FARS2: variants seen among roughly 807,000 people sequenced by gnomAD.
FARS2 encodes the protein phenylalanine--tRNA ligase, mitochondrial.
Under a neutral mutation model 46.4 loss-of-function variants are expected in FARS2, and 40 were observed. The observed-to-expected ratio is 0.86, with a 90% confidence interval of 0.67 to 1.12. The LOEUF is 1.12. Ranked by LOEUF, FARS2 falls within the 50% of genes most tolerant of loss-of-function variation. The pLI is 0.00. For synonymous variants in FARS2, 234 were observed against 214.9 expected, an observed-to-expected ratio of 1.09 and a Z score of -0.78; for missense variants, 513 against 567.9, an observed-to-expected ratio of 0.90 and a Z score of 0.98.
chr6:5,402,780 A>C (rs192982517), intron 2 of FARS2, among the ~76,000 whole-genome samples: 18 of 152,158 alleles, frequency 1.2e-4, no homozygotes, highest in Admixed American at 8.5e-4. Flanking sequence ...TCTCACTTCA[A>C]ATTGGGCATG....
At position 5,349,997 on chromosome 6, in the gene FARS2, C is replaced by G. The variant is rs565574382; in HGVS notation, c.-21-18553C>G. On this transcript the variant is annotated intron_variant, in intron 1 of 6. Transcript: ENST00000274680. The stretch of plus-strand genomic sequence containing the variant: ...TACTGTAGATGTTGACTTTGATCAC[C>G]TGGCAGTGTAGTGTTTGTCAGATTT... 9.2e-5 allele frequency among the ~76,000 whole-genome samples: 14 copies of G among 152,086 alleles called. No homozygotes were observed. The South Asian group carries it at 2.3e-3, about 25-fold the overall frequency.
intron 1 of FARS2, among the ~76,000 whole-genome samples, chr6:5,297,524 T>C (rs1370977676): frequency 6.6e-6 from 1 of 151,984 alleles, no homozygotes; most frequent in Non-Finnish European, 1.5e-5. Flanking sequence ...GGTGGGCACT[T>C]GTAATCCCAG....
chr6:5,438,965 AT>A (rs1253469949), intron 4 of FARS2, among the ~76,000 whole-genome samples: 3 of 152,150 alleles, frequency 2.0e-5, no homozygotes, highest in Admixed American at 6.5e-5. Flanking sequence ...CAAATTTTGG[AT>A]TGTATATTGC....
chr6:5,739,293 C>T (rs1258104535), intron 6 of FARS2, among the ~76,000 whole-genome samples: 1 of 146,276 alleles, frequency 6.8e-6, no homozygotes, highest in Non-Finnish European at 1.5e-5. Context: ...ATCAGGAGTT[C>T]AAGACTAGCT....
chr6:5,500,330 CT>C (rs1767715610), intron 4 of FARS2, among the ~76,000 whole-genome samples: 1 of 152,220 alleles, frequency 6.6e-6, no homozygotes, highest in Non-Finnish European at 1.5e-5. Flanking sequence ...TGGGAAAGTA[CT>C]CATAGAAATG....
intron 4 of FARS2, among the ~76,000 whole-genome samples, chr6:5,438,246 G>GCCC (rs111391099): frequency 1.0e-3 from 37 of 35,786 alleles, no homozygotes; most frequent in South Asian, 4.7e-3. Flanking sequence ...CCCACCCCCC[G>GCCC]CCCCCCCCCC....
intron 4 of FARS2, among the ~76,000 whole-genome samples, chr6:5,534,988 A>G (rs939824555): frequency 2.0e-5 from 3 of 151,804 alleles, no homozygotes; most frequent in Non-Finnish European, 2.9e-5. Flanking sequence ...CTCAACAGCA[A>G]TGCACAGGGT....
At chr6:5,702,902 G>A (rs1480410903) in intron 6 of FARS2, among the ~76,000 whole-genome samples, 1 of 152,166 alleles carries the variant, frequency 6.6e-6, no homozygotes, top group Admixed American at 6.5e-5. Context: ...CCCCTGGGAT[G>A]TCACTGTGTT....
intron 4 of FARS2, among the ~76,000 whole-genome samples, chr6:5,465,923 C>T (rs1765489498): frequency 1.3e-5 from 2 of 152,016 alleles, no homozygotes; most frequent in South Asian, 2.1e-4. Flanking sequence ...GGATTCTTCC[C>T]ATGTCTATAA....
At chr6:5,611,426 C>T (rs967594525) in intron 5 of FARS2, among the ~76,000 whole-genome samples, 6 of 152,078 alleles carry the variant, frequency 3.9e-5, no homozygotes, top group African/African-American at 1.4e-4. Flanking sequence ...TTACCACCAC[C>T]GCTGGTTAAG....
rs532756168 is a variant in FARS2 at position 5,671,553 on chromosome 6, C to T, written c.1217+58233C>T. Among the ~76,000 whole-genome samples the T allele has an allele frequency of 1.3e-4, 20 of 152,308 alleles. No individual in the cohort carries two copies. The East Asian group carries it at 2.9e-3, about 22-fold the overall frequency. ...AGCAGATGGTGAGGCTCCCCCTTCTCGTGCCCCATTTCCACTCAACACTGT... is the reference window on the plus strand; with the variant it reads ...AGCAGATGGTGAGGCTCCCCCTTCTTGTGCCCCATTTCCACTCAACACTGT... On this transcript the variant is annotated intron_variant, in intron 6 of 6. Coordinates refer to ENST00000274680, the MANE Select transcript of FARS2 (RefSeq NM_006567.5).
Position 5,368,637 on chromosome 6 carries a change from A to G in FARS2, c.67A>G (p.Ile23Val). The G allele has an allele frequency of 6.2e-7, 1 of 1,614,188 alleles. No homozygotes were observed. The highest frequency in any genetic ancestry group is 8.5e-7 in the Non-Finnish European group (1 of 1,180,030). Residue 23 changes from isoleucine to valine, a missense_variant, in exon 2 of 7, where the codon ATC becomes GTC. Transcript: ENST00000274680. ...CTACCTGGTGAGTAAGGCCAGTCAC[A>G]TCTCCAGAGGCCATCAGCACCAGGC... ...YVYLVSKASHISRGHQHQAWG... is the reference protein window; with the variant it reads ...YVYLVSKASHVSRGHQHQAWG...
At chr6:5,742,411 T>A (rs993247837) in intron 6 of FARS2, among the ~76,000 whole-genome samples, 1 of 152,206 alleles carries the variant, frequency 6.6e-6, no homozygotes, top group African/African-American at 2.4e-5. Flanking sequence ...GGGAGAGGGA[T>A]GACAATTCTG....
intron 6 of FARS2, among the ~76,000 whole-genome samples, chr6:5,627,911 C>G (rs1459036404): frequency 6.6e-6 from 1 of 151,214 alleles, no homozygotes; most frequent in African/African-American, 2.5e-5. Context: ...GAGAAACTGA[C>G]TAGGGTGGAG....
intron 5 of FARS2, among the ~76,000 whole-genome samples, chr6:5,583,714 T>G (rs1446314626): frequency 5.3e-5 from 8 of 152,194 alleles, no homozygotes; most frequent in Admixed American, 5.2e-4. Context: ...CTAGAAAGGT[T>G]AGATAACAGG....
chr6:5,570,613 C>T (rs868562199), intron 5 of FARS2, among the ~76,000 whole-genome samples: 8 of 152,178 alleles, frequency 5.3e-5, no homozygotes, highest in South Asian at 2.1e-4. Flanking sequence ...AATTGTATTA[C>T]GCCATTTAGC....
intron 4 of FARS2, among the ~76,000 whole-genome samples, chr6:5,494,933 T>C (rs1767362183): frequency 6.6e-6 from 1 of 152,204 alleles, no homozygotes. Context: ...ATTCATCCCT[T>C]TCTTTTTGAC....
At chr6:5,771,129 T>TC (rs896372902) in intron 6 of FARS2, among the ~76,000 whole-genome samples, 162 bp from the exon 7 acceptor site, 4 of 152,196 alleles carry the variant, frequency 2.6e-5, no homozygotes, top group African/African-American at 9.7e-5. Context: ...TGTCACCTTC[T>TC]CCCCCTGTAT....
intron 4 of FARS2, among the ~76,000 whole-genome samples, chr6:5,485,780 G>A (rs960421472): frequency 1.3e-5 from 2 of 152,152 alleles, no homozygotes; most frequent in Non-Finnish European, 2.9e-5. Context: ...GTCCTGCAGG[G>A]TGGCCATGAG....
Sources: gnomAD v4.1 joint callset for allele counts (sites outside exome capture counted in the v4.1 genomes callset) on GRCh38, gnomAD v4.1.1 for gene constraint, MANE v1.5 for transcripts, NCBI Gene and HGNC (gene_info 2026-07-23, HGNC 2026-07-21) for gene names.